ITPR1: variants seen among roughly 807,000 people sequenced by gnomAD.
The protein encoded by ITPR1 is inositol 1,4,5-trisphosphate-gated calcium channel ITPR1.
In ITPR1, 96 loss-of-function variants were observed where a neutral mutation model predicts 318.4. The observed-to-expected ratio is 0.30, with a 90% CI of 0.26 to 0.36. ITPR1 has a LOEUF of 0.36. ITPR1 is among the 10% of genes least tolerant of loss of function. The probability of loss-of-function intolerance (pLI) is 1.00; values close to 1 mark genes in which losing one functional copy is unlikely to be tolerated. For missense variants in ITPR1, 2,440 were observed against 3,460.2 expected (o/e 0.71, Z 7.40); for synonymous variants, 1,312 against 1,289.9 (o/e 1.02, Z -0.37).
intron 44 of ITPR1, among the ~76,000 whole-genome samples, chr3:4,760,339 G>A (rs757026187): frequency 1.2e-4 from 18 of 152,370 alleles, no homozygotes; most frequent in Middle Eastern, 3.4e-3. Flanking sequence ...TCCCTCTGGT[G>A]GAGAGGCAGC....
chr3:4,727,977 G>A (rs534422473), intron 42 of ITPR1, among the ~76,000 whole-genome samples: 104 of 152,252 alleles, frequency 6.8e-4, no homozygotes, highest in African/African-American at 2.4e-3. Context: ...ATTATTCTAG[G>A]TATACAACTT....
rs1167502109 is a variant in ITPR1, at chr3:4,710,965, A to G, written c.4991+492A>G. ...GGTGGCTCATGCCTGTAATCCCAGCACTTTGGGAGGCCGGGGCTGGTGAAT... is the reference window on the plus strand; with the variant it reads ...GGTGGCTCATGCCTGTAATCCCAGCGCTTTGGGAGGCCGGGGCTGGTGAAT... On this transcript the variant is annotated intron_variant, in intron 38 of 61. Transcript: ENST00000649015. The surrounding 1 kb of genome is among the most constrained non-coding windows in gnomAD (Gnocchi z 4.2). Among the ~76,000 whole-genome samples the G allele has an allele frequency of 2.6e-5, 4 of 152,180 alleles. No homozygotes were observed. The highest frequency in any genetic ancestry group is 5.9e-5 in the Non-Finnish European group (4 of 68,036).
chr3:4,839,327 C>CA (rs111394522), intron 61 of ITPR1, among the ~76,000 whole-genome samples: 3,562 of 134,328 alleles, frequency 0.027, 92 homozygotes, highest in African/African-American at 0.078. Context: ...AATTCCATCT[C>CA]AAAAAAAAAA....
intron 4 of ITPR1, among the ~76,000 whole-genome samples, chr3:4,575,531 C>T (rs1250719108): frequency 6.6e-6 from 1 of 152,140 alleles, no homozygotes; most frequent in Non-Finnish European, 1.5e-5. Flanking sequence ...GCATGGATAA[C>T]TAGATTGATG....
chr3:4,621,567 A>G (rs984274307), intron 4 of ITPR1, among the ~76,000 whole-genome samples: 3 of 152,240 alleles, frequency 2.0e-5, no homozygotes, highest in African/African-American at 7.2e-5. Context: ...CCTTAGGAGC[A>G]TCAGCCAGGC....
At chr3:4,553,001 C>A (rs556614921) in intron 4 of ITPR1, among the ~76,000 whole-genome samples, 61 of 152,148 alleles carry the variant, frequency 4.0e-4, no homozygotes, top group Non-Finnish European at 7.6e-4. Context: ...TTCTCGTTGA[C>A]CCCAGCATCC....
chr3:4,715,259 T>C lies in ITPR1; in HGVS notation c.5104-2108T>C, dbSNP rs375282287. On this transcript the variant is annotated intron_variant, in intron 39 of 61. Coordinates refer to ENST00000649015, the MANE Select transcript of ITPR1 (RefSeq NM_001378452.1). The stretch of plus-strand genomic sequence containing the variant: ...CCATTTGAGTGTTTTGAGGTCCACC[T>C]ACAGGTTGAACCTGTAAGTTTCCTT... 1.7e-4 allele frequency among the ~76,000 whole-genome samples: 26 copies of C among 152,360 alleles called. No individual in the cohort carries two copies. The East Asian group carries it at 3.5e-3, about 20-fold the overall frequency.
chr3:4,615,254 G>A (rs192283678), intron 4 of ITPR1, among the ~76,000 whole-genome samples: 126 of 152,288 alleles, frequency 8.3e-4, no homozygotes, highest in Admixed American at 4.3e-3. Flanking sequence ...TCAGGGCAGA[G>A]CATCTGAACA....
At chr3:4,592,288 C>T (rs2090453274) in intron 4 of ITPR1, among the ~76,000 whole-genome samples, 5 of 152,188 alleles carry the variant, frequency 3.3e-5, no homozygotes, top group Admixed American at 3.3e-4. Context: ...TGTTTAATAG[C>T]ATTTGGTCTC....
chr3:4,618,700 C>T (rs992881938), intron 4 of ITPR1, among the ~76,000 whole-genome samples: 1 of 152,198 alleles, frequency 6.6e-6, no homozygotes, highest in African/African-American at 2.4e-5. Context: ...TGATCTGACC[C>T]TCCTGTTCCT....
chr3:4,780,626 GCCAGGCAAAAGTC>G (rs1383499123), intron 49 of ITPR1, among the ~76,000 whole-genome samples: 2 of 152,156 alleles, frequency 1.3e-5, no homozygotes, highest in African/African-American at 4.8e-5. Flanking sequence ...GCACTTGGGG[GCCAGGCAAAAGTC>G]CCTTTATGTA....
At chr3:4,789,459 C>A (rs1353342905) in intron 52 of ITPR1, among the ~76,000 whole-genome samples, 1 of 152,192 alleles carries the variant, frequency 6.6e-6, no homozygotes, top group Non-Finnish European at 1.5e-5. Context: ...CCCTGTACTC[C>A]AAAAGGGAGA....
intron 2 of ITPR1, among the ~76,000 whole-genome samples, chr3:4,509,291 C>A (rs1478964853): frequency 6.6e-6 from 1 of 152,206 alleles, no homozygotes; most frequent in South Asian, 2.1e-4. Context: ...CAAGTGTACA[C>A]TCTTGTCAGT....
chr3:4,836,708 T>C, intron 60 of ITPR1, 66 bp from the exon 61 acceptor site: 1 of 1,274,724 alleles, frequency 7.8e-7, no homozygotes, highest in Admixed American at 3.4e-5. Context: ...TGGCCTTTCT[T>C]GTTTTTACCT....
chr3:4,627,323 G>C (rs1275375514), intron 4 of ITPR1, among the ~76,000 whole-genome samples: 1 of 152,114 alleles, frequency 6.6e-6, no homozygotes, highest in African/African-American at 2.4e-5. Context: ...AATTAGCCAG[G>C]CTTGGTGGCA....
In ITPR1 at chr3:4,538,489, G is replaced by A. The variant is rs532655703; in HGVS notation, c.163+17395G>A. Reference sequence around the variant, plus strand: ...CAATCATCATGGAAGACAGTGTGGCGATTCCTCAAAGACCTAGAATCAGAA... The same window carrying A: ...CAATCATCATGGAAGACAGTGTGGCAATTCCTCAAAGACCTAGAATCAGAA... On this transcript the variant is annotated intron_variant, in intron 4 of 61. Transcript: ENST00000649015. Among the ~76,000 whole-genome samples, 24 of 152,276 alleles carry A rather than the reference G, an allele frequency of 1.6e-4. No homozygotes were observed. In the South Asian group the frequency reaches 2.1e-3, roughly 13 times the overall value.
intron 4 of ITPR1, among the ~76,000 whole-genome samples, chr3:4,573,990 G>A (rs900339998): frequency 2.0e-5 from 3 of 152,208 alleles, no homozygotes; most frequent in Non-Finnish European, 2.9e-5. Flanking sequence ...GAATGAGTGC[G>A]TAAAATAATA....
intron 5 of ITPR1, 63 bp from the exon 6 acceptor site, chr3:4,639,321 C>A: frequency 8.2e-7 from 1 of 1,223,366 alleles, no homozygotes; most frequent in Non-Finnish European, 1.2e-6. Context: ...TGTTCTGCGT[C>A]ACTGCAGTGG....
intron 39 of ITPR1, among the ~76,000 whole-genome samples, chr3:4,714,700 C>T (rs148151373): frequency 2.0e-5 from 3 of 152,338 alleles, no homozygotes; most frequent in East Asian, 1.9e-4. Flanking sequence ...GATGACGAGA[C>T]GTAGGTACCT....
Sources: allele counts gnomAD v4.1 joint callset (sites outside exome capture counted in the v4.1 genomes callset), GRCh38; gene constraint gnomAD v4.1.1; non-coding constraint Gnocchi (gnomAD v3.1); transcripts MANE v1.5; gene names NCBI Gene and HGNC (gene_info 2026-07-23, HGNC 2026-07-21).